Variants in ADNP observed in about 807,000 individuals in gnomAD.
ADNP encodes activity dependent neuroprotector homeobox.
In ADNP, 4 loss-of-function variants were observed where a neutral mutation model predicts 84.9. That is an observed-to-expected ratio of 0.05 (90% CI 0.02 to 0.11). The LOEUF is 0.11. ADNP is among the 10% of genes least tolerant of loss of function. The probability of loss-of-function intolerance (pLI) is 1.00; values close to 1 mark genes in which losing one functional copy is unlikely to be tolerated. For missense variants in ADNP, 1,132 were observed against 1,326.0 expected, an observed-to-expected ratio of 0.85 and a Z score of 2.27; for synonymous variants, 554 against 468.1, an observed-to-expected ratio of 1.18 and a Z score of -2.37.
chr20:50,929,804 T>C (rs1051394568), intron 1 of ADNP, among the ~76,000 whole-genome samples: 16 of 152,216 alleles, frequency 1.1e-4, no homozygotes, highest in Non-Finnish European at 2.4e-4. Context: ...TGGACATCAT[T>C]AACATGACAA....
chr20:50,910,642 C>CA (rs1982937671), intron 2 of ADNP, among the ~76,000 whole-genome samples: 1 of 152,090 alleles, frequency 6.6e-6, no homozygotes, highest in Non-Finnish European at 1.5e-5. Flanking sequence ...TGATGAACTA[C>CA]ATGTAAACAT....
At chr20:50,917,984 G>T (rs1049263251) in intron 2 of ADNP, among the ~76,000 whole-genome samples, 3 of 152,124 alleles carry the variant, frequency 2.0e-5, no homozygotes, top group African/African-American at 7.2e-5. Context: ...CCACTCATGA[G>T]GTACTTAGAA....
At chr20:50,909,541 T>G (rs1465114640) in intron 2 of ADNP, 1 of 152,162 alleles carries the variant, frequency 6.6e-6, no homozygotes, top group Non-Finnish European at 1.5e-5. Flanking sequence ...TTCAGAGCAC[T>G]TGCACTTAGC....
At chr20:50,926,198 A>C (rs1441657827) in intron 2 of ADNP, among the ~76,000 whole-genome samples, 1 of 152,244 alleles carries the variant, frequency 6.6e-6, no homozygotes, top group Non-Finnish European at 1.5e-5. Flanking sequence ...ACTATAATTA[A>C]ATTATTTACA....
In ADNP at chr20:50,898,459, T is replaced by C. The variant is rs374037041; in HGVS notation, c.201+3558A>G. ...AGGTCATCAGAAGCTTGTGTGTGTC[T>C]GATAAAGGCCCTTCTTGAATTTTTG... On this transcript the variant is annotated intron_variant, in intron 5 of 5. Transcript: ENST00000621696. Among the ~76,000 whole-genome samples, 6 of 152,332 alleles carry C rather than the reference T, an allele frequency of 3.9e-5. No individual in the cohort carries two copies. In the East Asian group the frequency reaches 1.2e-3, roughly 29 times the overall value.
At chr20:50,919,487 CTA>C (rs1390173908) in intron 2 of ADNP, among the ~76,000 whole-genome samples, 1 of 151,908 alleles carries the variant, frequency 6.6e-6, no homozygotes, top group Non-Finnish European at 1.5e-5. Flanking sequence ...TCTCTATCAT[CTA>C]TGTCAATGAC....
intron 5 of ADNP, among the ~76,000 whole-genome samples, chr20:50,900,267 T>C (rs1473191420): frequency 2.0e-5 from 3 of 152,192 alleles, no homozygotes; most frequent in Admixed American, 2.0e-4. Flanking sequence ...AGTATTCTCT[T>C]ATAGTAACAT....
Position 50,893,676 on chromosome 20 carries a change from T to C in ADNP, c.1038A>G (p.Ser346=). The part of the protein sequence containing the change: ...SVGQGYSVGQ[S]MRLGLGGNAP... Reference sequence around the variant, plus strand: ...CGTTGCCACCTAGACCCAGTCTCATTGACTGACCAACACTGTAACCCTGGC... The same window carrying C: ...CGTTGCCACCTAGACCCAGTCTCATCGACTGACCAACACTGTAACCCTGGC... The change falls in exon 6 of 6, where the codon TCA becomes TCG. Residue 346 remains serine (S), a synonymous_variant. Coordinates refer to ENST00000621696, the MANE Select transcript of ADNP (RefSeq NM_001282531.3). The surrounding 1 kb of genome is among the most constrained non-coding windows in gnomAD (Gnocchi z 4.4). The C allele has an allele frequency of 1.2e-6, 2 of 1,614,174 alleles. No individual in the cohort carries two copies. The highest frequency in any genetic ancestry group is 8.5e-7 in the Non-Finnish European group (1 of 1,180,036).
At chr20:50,926,766 TTA>T (rs1340022479) in intron 2 of ADNP, among the ~76,000 whole-genome samples, 1 of 152,216 alleles carries the variant, frequency 6.6e-6, no homozygotes, top group East Asian at 1.9e-4. Context: ...GTTTTGTTAC[TTA>T]TATATGATTC....
intron 5 of ADNP, among the ~76,000 whole-genome samples, chr20:50,896,326 A>T (rs1034921517): frequency 5.9e-5 from 9 of 151,372 alleles, no homozygotes; most frequent in Admixed American, 2.6e-4. Context: ...AATTTGTTTT[A>T]AAAAAAAACT....
At chr20:50,916,650 T>C (rs1164563676) in intron 2 of ADNP, among the ~76,000 whole-genome samples, 3 of 152,232 alleles carry the variant, frequency 2.0e-5, no homozygotes, top group Non-Finnish European at 4.4e-5. Flanking sequence ...TTTCAATTAA[T>C]GCTCCTGAAA....
intron 5 of ADNP, 123 bp from the exon 6 acceptor site, chr20:50,894,635 CTG>C: frequency 9.3e-7 from 1 of 1,069,800 alleles, no homozygotes; most frequent in Non-Finnish European, 1.3e-6. Flanking sequence ...TGGCTCACGC[CTG>C]TAATCCCAGC....
At position 50,919,649 on chromosome 20, in the gene ADNP, T is replaced by G. The variant is rs537152647; in HGVS notation, c.-90+9002A>C. ...AACTAAATCCTAGGAGGCTTCATGT[T>G]TAGTTCATTCTCAGCAGGGAGGGTG... On this transcript the variant is annotated intron_variant, in intron 2 of 5. Transcript: ENST00000621696. Among the ~76,000 whole-genome samples the G allele has an allele frequency of 2.6e-5, 4 of 151,574 alleles. No individual in the cohort carries two copies. In the East Asian group the frequency reaches 7.7e-4, roughly 29 times the overall value.
chr20:50,894,758 G>T (rs117200849), intron 5 of ADNP, among the ~76,000 whole-genome samples: 2,024 of 152,196 alleles, frequency 0.013, 21 homozygotes, highest in Middle Eastern at 0.041. Flanking sequence ...TAAGCTGAGC[G>T]TGGTGGTGGG....
Position 50,889,107 on chromosome 20 carries a change from G to C in ADNP, c.*2298C>G, listed in dbSNP as rs1229181377. ...GGGATTCTGCAACATTTCCAGTTGG[G>C]AATCTTTATTTCCAACTCTTAGGGT... is the stretch of plus-strand genomic sequence containing the variant. On this transcript the variant is annotated 3_prime_UTR_variant, in exon 6 of 6. Coordinates refer to ENST00000621696, the MANE Select transcript of ADNP (RefSeq NM_001282531.3). The C allele has an allele frequency of 1.3e-5, 2 of 152,162 alleles. No individual in the cohort carries two copies. Among genetic ancestry groups the C allele is most frequent in the African/African-American group, 2.4e-5 (1 of 41,436 alleles). The allele number at this position is 152,162 out of a possible 1,614,324, so 9.4% of individuals were successfully genotyped here. A position where few individuals can be genotyped will look rare whatever the true frequency, so the allele number is the denominator to read the frequency against.
intron 2 of ADNP, 199 bp from the exon 3 acceptor site, chr20:50,905,048 GA>G (rs1165955340): frequency 1.3e-5 from 2 of 152,090 alleles, no homozygotes; most frequent in East Asian, 3.9e-4. Context: ...TGAAAAAAAT[GA>G]AAAGCCTGTA....
chr20:50,912,878 A>T (rs1434435500), intron 2 of ADNP, among the ~76,000 whole-genome samples: 1 of 152,124 alleles, frequency 6.6e-6, no homozygotes, highest in East Asian at 1.9e-4. Flanking sequence ...TCTCTCTGGG[A>T]TTATCTTTTA....
At position 50,892,897 on chromosome 20, in the gene ADNP, T is replaced by C. The variant is rs1352461245; in HGVS notation, c.1817A>G (p.Lys606Arg). 1 of 1,614,218 alleles carries C rather than the reference T, an allele frequency of 6.2e-7. No individual in the cohort carries two copies. The highest frequency in any genetic ancestry group is 1.1e-5 in the South Asian group (1 of 91,082). Residue 606 changes from lysine to arginine, a missense_variant, in exon 6 of 6, where the codon AAA (lysine) becomes AGA (arginine). By Grantham distance (26) the Lys-to-Arg change is conservative (BLOSUM62 2). Transcript: ENST00000621696. ...KVQEKADIPV[K>R]SSPQAAVPYK... ...GGGCACTGCAGCTTGAGGTGAACTT[T>C]TTACAGGGATATCTGCCTTTTCCTG...
intron 1 of ADNP, 24 bp downstream of exon 1, chr20:50,930,802 C>A (rs1350138946): frequency 2.7e-5 from 4 of 148,870 alleles, no homozygotes; most frequent in African/African-American, 9.8e-5. Flanking sequence ...GCCGCGGGTC[C>A]GCGCGCGGCG....
Sources: gnomAD v4.1 joint callset for allele counts (sites outside exome capture counted in the v4.1 genomes callset) on GRCh38, gnomAD v4.1.1 for gene constraint, Gnocchi (gnomAD v3.1) non-coding constraint, MANE v1.5 for transcripts, NCBI Gene and HGNC (gene_info 2026-07-23, HGNC 2026-07-21) for gene names.